The following SH3BGRL variants were observed in gnomAD, a reference collection of about 807,000 sequenced individuals.
SH3BGRL encodes adapter SH3BGRL.
A neutral mutation model predicts 9.8 loss-of-function variants in SH3BGRL; 7 were observed. That is an observed-to-expected ratio of 0.72 (90% CI 0.41 to 1.35). The LOEUF is 1.35. SH3BGRL is among the 40% of genes most tolerant of loss of function. The probability of loss-of-function intolerance (pLI) is 0.01; values close to 1 mark genes in which losing one functional copy is unlikely to be tolerated. For synonymous variants in SH3BGRL, 36 were observed against 29.1 expected, an observed-to-expected ratio of 1.24 and a Z score of -0.76; for missense variants, 73 against 84.4, an observed-to-expected ratio of 0.86 and a Z score of 0.53.
chrX:81,287,878 C>G (rs1205303664), intron 3 of SH3BGRL, among the ~76,000 whole-genome samples: 1 of 108,046 alleles, frequency 9.3e-6, no homozygotes, highest in Admixed American at 1.0e-4. Flanking sequence ...GTTCCAAAAT[C>G]ATTCTACAAG....
intron 1 of SH3BGRL, among the ~76,000 whole-genome samples, chrX:81,207,330 TAAAAC>T (rs886596835): frequency 1.3e-4 from 15 of 112,308 alleles, no homozygotes; most frequent in African/African-American, 4.5e-4. Flanking sequence ...ATATAACTGA[TAAAAC>T]AGAAGCTAGT....
intron 3 of SH3BGRL, among the ~76,000 whole-genome samples, chrX:81,286,260 C>T (rs765200231): frequency 1.8e-5 from 2 of 110,267 alleles, no homozygotes; most frequent in Non-Finnish European, 3.8e-5. Flanking sequence ...GAAAGGAAAA[C>T]GACTCTATTG....
intron 1 of SH3BGRL, among the ~76,000 whole-genome samples, chrX:81,265,737 C>T (rs1051293951): frequency 1.8e-5 from 2 of 111,779 alleles, no homozygotes; most frequent in Non-Finnish European, 3.8e-5. Context: ...AATGGGATGG[C>T]TGGGTCAAAT....
intron 1 of SH3BGRL, among the ~76,000 whole-genome samples, chrX:81,216,638 C>T (rs143521268): frequency 0.018 from 1,986 of 111,183 alleles, 44 homozygotes; most frequent in African/African-American, 0.061. Context: ...TACTCTATCT[C>T]CATGAGTTCA....
chrX:81,226,480 T>C (rs1352292956), intron 1 of SH3BGRL, among the ~76,000 whole-genome samples: 2 of 103,799 alleles, frequency 1.9e-5, no homozygotes, highest in Non-Finnish European at 3.9e-5. Flanking sequence ...CAGTGTAGTC[T>C]TGGATATATT....
At chrX:81,202,344 C>A in intron 1 of SH3BGRL, 99 bp downstream of exon 1, 1 of 1,017,016 alleles carries the variant, frequency 9.8e-7, no homozygotes, top group South Asian at 2.7e-5. Flanking sequence ...GGCAGCTTCT[C>A]CTTTGGAAGA....
At chrX:81,262,829 T>C (rs1817503145) in intron 1 of SH3BGRL, among the ~76,000 whole-genome samples, 2 of 111,855 alleles carry the variant, frequency 1.8e-5, no homozygotes, top group Non-Finnish European at 3.8e-5. Context: ...TAAAAACATT[T>C]TGGTGGTGCT....
chrX:81,205,160 G>C (rs904036608), intron 1 of SH3BGRL, among the ~76,000 whole-genome samples: 2 of 110,970 alleles, frequency 1.8e-5, no homozygotes, highest in Admixed American at 9.6e-5. Context: ...ATTGAACAGT[G>C]GATCTTATTC....
At chrX:81,283,090 G>GA (rs779676551) in intron 3 of SH3BGRL, among the ~76,000 whole-genome samples, 14 of 111,595 alleles carry the variant, frequency 1.3e-4, no homozygotes, top group East Asian at 2.8e-4. Context: ...TAAATTCCTG[G>GA]AAAAATATCA....
intron 1 of SH3BGRL, among the ~76,000 whole-genome samples, chrX:81,270,265 G>T (rs1024970752): frequency 1.8e-5 from 2 of 111,276 alleles, no homozygotes. Context: ...TTCCCTTGCT[G>T]GTGTGGAGTT....
intron 1 of SH3BGRL, chrX:81,202,726 T>TGAG (rs1339746371): frequency 3.3e-5 from 6 of 184,221 alleles, no homozygotes; most frequent in African/African-American, 1.9e-4. Context: ...TCTGGGTGAG[T>TGAG]GAGACCCTGG....
chrX:81,242,682 A>G (rs2075674373), intron 1 of SH3BGRL, among the ~76,000 whole-genome samples: 1 of 111,831 alleles, frequency 8.9e-6, no homozygotes, highest in Non-Finnish European at 1.9e-5. Flanking sequence ...CTGACAAGGT[A>G]TTAATAACCA....
At chrX:81,252,462 A>G (rs2075713753) in intron 1 of SH3BGRL, among the ~76,000 whole-genome samples, 1 of 111,998 alleles carries the variant, frequency 8.9e-6, no homozygotes, top group Non-Finnish European at 1.9e-5. Flanking sequence ...AATGGAGAAA[A>G]TGTATCTTAC....
Position 81,277,068 on chromosome X carries a change from G to C in SH3BGRL, c.130G>C (p.Glu44Gln), listed in dbSNP as rs1348385260. 8.3e-7 allele frequency: 1 copy of C among 1,207,624 alleles called. No homozygotes were observed. The highest frequency in any genetic ancestry group is 1.1e-6 in the Non-Finnish European group (1 of 893,231). The stretch of plus-strand genomic sequence containing the variant: ...AGAAAAAGATATTGCAGCCAATGAA[G>C]AGAATCGGAAGTGGATGAGAGAAAA... ...FEEKDIAANE[E>Q]NRKWMRENVP... The change falls in exon 2 of 4, where the codon GAG becomes CAG. Residue 44 changes from glutamate to glutamine, a missense_variant. Glu to Gln is a conservative substitution (Grantham distance 29). Transcript: ENST00000373212.
chrX:81,240,775 T>G (rs949604324), intron 1 of SH3BGRL, among the ~76,000 whole-genome samples: 2 of 112,799 alleles, frequency 1.8e-5, no homozygotes, highest in African/African-American at 6.4e-5. Flanking sequence ...AGGAATCACA[T>G]TACCTGACTT....
intron 1 of SH3BGRL, chrX:81,237,060 G>A: frequency 1.1e-6 from 1 of 892,120 alleles, no homozygotes; most frequent in Non-Finnish European, 1.4e-6. Context: ...GAAGGCTATG[G>A]TAGTGAGAGA....
At chrX:81,293,578 G>A (rs1459358087) in intron 3 of SH3BGRL, among the ~76,000 whole-genome samples, 1 of 112,049 alleles carries the variant, frequency 8.9e-6, no homozygotes, top group East Asian at 2.8e-4. Context: ...AGCTACTTGG[G>A]AGGCTGAGGC....
At chrX:81,252,999 C>T (rs1179302453) in intron 1 of SH3BGRL, among the ~76,000 whole-genome samples, 1 of 112,045 alleles carries the variant, frequency 8.9e-6, no homozygotes, top group African/African-American at 3.2e-5. Context: ...AATAAGGATT[C>T]TATGTTATTT....
At chrX:81,284,302 A>G (rs1004560868) in intron 3 of SH3BGRL, among the ~76,000 whole-genome samples, 2 of 110,943 alleles carry the variant, frequency 1.8e-5, no homozygotes, top group African/African-American at 6.6e-5. Flanking sequence ...TTCATAGAAA[A>G]AAATCCTAAA....
Sources: gnomAD v4.1 joint callset for allele counts (sites outside exome capture counted in the v4.1 genomes callset) on GRCh38, gnomAD v4.1.1 for gene constraint, MANE v1.5 for transcripts, NCBI Gene and HGNC (gene_info 2026-07-23, HGNC 2026-07-21) for gene names.